EEIG2: variants seen among roughly 807,000 people sequenced by gnomAD.
EEIG2 encodes family with sequence similarity 102 member B.
chr1:108,572,956 A>G, the EEIG2 span, among the ~76,000 whole-genome samples: 1 of 152,194 alleles, frequency 6.6e-6, no homozygotes, highest in Non-Finnish European at 1.5e-5. Context: ...TCTTTTTAGC[A>G]CTGAATAATA....
At chr1:108,597,952 A>G in the EEIG2 span, among the ~76,000 whole-genome samples, 1,442 of 152,332 alleles carry the variant, frequency 9.5e-3, 12 homozygotes, top group Middle Eastern at 0.051. Flanking sequence ...ATCAGTGTTT[A>G]TATCTCCTTG....
At chr1:108,619,417 G>A in the EEIG2 span, among the ~76,000 whole-genome samples, 46 of 152,284 alleles carry the variant, frequency 3.0e-4, no homozygotes, top group Admixed American at 7.2e-4. Flanking sequence ...TACTGAATAT[G>A]TACTGAATAG....
chr1:108,601,263 TGTGTGTGTGTGTATGTGTTTGTGC>T, the EEIG2 span, among the ~76,000 whole-genome samples: 23 of 151,582 alleles, frequency 1.5e-4, no homozygotes, highest in East Asian at 3.9e-3. Context: ...ACTTTCTGTT[TGTGTGTGTGTGTATGTGTTTGTGC>T]GTGTGTGTGT....
the EEIG2 span, among the ~76,000 whole-genome samples, chr1:108,562,884 A>ATATT: frequency 1.3e-5 from 2 of 152,232 alleles, no homozygotes. Flanking sequence ...ATCTAAAGGA[A>ATATT]GTGAATTATT....
chr1:108,566,319 A>T, the EEIG2 span, among the ~76,000 whole-genome samples: 2 of 152,162 alleles, frequency 1.3e-5, no homozygotes, highest in African/African-American at 4.8e-5. Flanking sequence ...TAACACTTAG[A>T]AATGGAATTA....
At chr1:108,633,315 G>T in the EEIG2 span, among the ~76,000 whole-genome samples, 5 of 152,224 alleles carry the variant, frequency 3.3e-5, no homozygotes, top group East Asian at 5.8e-4. Flanking sequence ...GAAAGACAAG[G>T]TCTCACTCTG....
chr1:108,629,519 C>T, the EEIG2 span: 18 of 1,047,216 alleles, frequency 1.7e-5, no homozygotes, highest in South Asian at 2.5e-4. Context: ...TGAATTATTA[C>T]AATATCCATA....
At chr1:108,568,501 A>G in the EEIG2 span, among the ~76,000 whole-genome samples, 1 of 152,178 alleles carries the variant, frequency 6.6e-6, no homozygotes, top group Non-Finnish European at 1.5e-5. Flanking sequence ...ACTTGTATAT[A>G]TGTATATTTT....
At chr1:108,598,597 C>T in the EEIG2 span, among the ~76,000 whole-genome samples, 1 of 151,998 alleles carries the variant, frequency 6.6e-6, no homozygotes, top group African/African-American at 2.4e-5. Flanking sequence ...CCCACACATA[C>T]ATTCTTCATA....
At chr1:108,568,453 T>C in the EEIG2 span, among the ~76,000 whole-genome samples, 1 of 152,188 alleles carries the variant, frequency 6.6e-6, no homozygotes, top group African/African-American at 2.4e-5. Context: ...GGGGTTAGTC[T>C]TGAGAGAAGA....
At chr1:108,614,382 T>C in the EEIG2 span, among the ~76,000 whole-genome samples, 2 of 152,200 alleles carry the variant, frequency 1.3e-5, no homozygotes, top group Non-Finnish European at 2.9e-5. Context: ...CCATGCTCAC[T>C]GCCATCTGGC....
At chr1:108,581,315 G>C in the EEIG2 span, among the ~76,000 whole-genome samples, 3 of 151,940 alleles carry the variant, frequency 2.0e-5, no homozygotes, top group Non-Finnish European at 2.9e-5. Context: ...TTGTTTTCAT[G>C]CCTGCTAAAA....
At chr1:108,611,276 T>G in the EEIG2 span, among the ~76,000 whole-genome samples, 1 of 152,230 alleles carries the variant, frequency 6.6e-6, no homozygotes, top group Non-Finnish European at 1.5e-5. Flanking sequence ...CTTAATAAGT[T>G]GCAACTCAAT....
At chr1:108,563,677 C>A in the EEIG2 span, among the ~76,000 whole-genome samples, 1 of 151,992 alleles carries the variant, frequency 6.6e-6, no homozygotes, top group Non-Finnish European at 1.5e-5. Context: ...TATTCTTGGC[C>A]AAGTATTAGT....
chr1:108,631,887 G>A, the EEIG2 span, among the ~76,000 whole-genome samples: 1 of 151,936 alleles, frequency 6.6e-6, no homozygotes, highest in African/African-American at 2.4e-5. Context: ...GCCGAGGCAG[G>A]TGGATCACTT....
the EEIG2 span, among the ~76,000 whole-genome samples, chr1:108,561,300 G>A: frequency 1.3e-5 from 2 of 152,304 alleles, no homozygotes; most frequent in African/African-American, 4.8e-5. Context: ...AATAGGTGTG[G>A]CAGTGTTTCT....
chr1:108,562,196 A>G, the EEIG2 span, among the ~76,000 whole-genome samples: 1 of 152,188 alleles, frequency 6.6e-6, no homozygotes, highest in Non-Finnish European at 1.5e-5. Flanking sequence ...TGCGATGCCA[A>G]GATTCTGATC....
At chr1:108,598,250 C>T in the EEIG2 span, among the ~76,000 whole-genome samples, 1 of 147,254 alleles carries the variant, frequency 6.8e-6, no homozygotes. Context: ...ATGGGAATTG[C>T]TTGAGCCCAG....
At chr1:108,602,509 G>C in the EEIG2 span, among the ~76,000 whole-genome samples, 15 of 152,208 alleles carry the variant, frequency 9.9e-5, no homozygotes, top group East Asian at 2.9e-3. Flanking sequence ...CTGTTTCTCT[G>C]TCAAAATTTC....
Sources: allele counts gnomAD v4.1 joint callset (sites outside exome capture counted in the v4.1 genomes callset), GRCh38; gene constraint gnomAD v4.1.1; transcripts MANE v1.5; gene names NCBI Gene and HGNC (gene_info 2026-07-23, HGNC 2026-07-21).